The following UGT2B7 variants were observed in gnomAD, a reference collection of about 807,000 sequenced individuals.
The protein encoded by UGT2B7 is UDP-glucuronosyltransferase 2B7.
A neutral mutation model predicts 51.9 loss-of-function variants in UGT2B7; 51 were observed. The ratio of observed to expected loss-of-function variants is 0.98; its 90% CI spans 0.78 to 1.24. The LOEUF is 1.24. Ranked by LOEUF, UGT2B7 falls within the 50% of genes most tolerant of loss-of-function variation. UGT2B7 has a pLI of 0.00. For missense variants in UGT2B7, 727 were observed against 628.4 expected, an observed-to-expected ratio of 1.16 and a Z score of -1.68; for synonymous variants, 225 against 211.6, an observed-to-expected ratio of 1.06 and a Z score of -0.55.
intron 1 of UGT2B7, among the ~76,000 whole-genome samples, chr4:69,055,848 G>A (rs1718179395): frequency 6.6e-6 from 1 of 152,204 alleles, no homozygotes; most frequent in Admixed American, 6.5e-5. Flanking sequence ...CGCTCATCCT[G>A]TAAGGCAGCT....
intron 1 of UGT2B7, among the ~76,000 whole-genome samples, chr4:69,068,925 T>C (rs1011896725): frequency 6.6e-6 from 1 of 151,924 alleles, no homozygotes; most frequent in Non-Finnish European, 1.5e-5. Context: ...GATTCTAAAA[T>C]CACAATACAA....
At chr4:69,066,802 A>G (rs1461087966) in intron 1 of UGT2B7, among the ~76,000 whole-genome samples, 1 of 152,162 alleles carries the variant, frequency 6.6e-6, no homozygotes, top group East Asian at 1.9e-4. Context: ...CAATCATTAC[A>G]CCTACCCTTC....
chr4:69,057,188 C>T (rs1490322398), intron 1 of UGT2B7, among the ~76,000 whole-genome samples: 1 of 152,176 alleles, frequency 6.6e-6, no homozygotes, highest in Non-Finnish European at 1.5e-5. Context: ...GTGAAATCTT[C>T]AGTGTTGTGA....
upstream of UGT2B7, among the ~76,000 whole-genome samples, chr4:69,096,195 G>T (rs1231019539): frequency 6.6e-6 from 1 of 152,092 alleles, no homozygotes; most frequent in African/African-American, 2.4e-5. Context: ...GCAGAAACAA[G>T]ATCTGTCACT....
At chr4:69,073,698 A>G (rs916821165) in intron 1 of UGT2B7, among the ~76,000 whole-genome samples, 33 of 152,064 alleles carry the variant, frequency 2.2e-4, no homozygotes, top group African/African-American at 8.0e-4. Flanking sequence ...GACAAATCAT[A>G]TAATGAGTAG....
intron 1 of UGT2B7, among the ~76,000 whole-genome samples, chr4:69,065,962 T>C (rs1577909234): frequency 6.6e-6 from 1 of 152,292 alleles, no homozygotes; most frequent in South Asian, 2.1e-4. Context: ...TGAAACATCA[T>C]GATTGTATTT....
intron 1 of UGT2B7, among the ~76,000 whole-genome samples, chr4:69,097,479 C>A (rs1423616754): frequency 1.3e-5 from 2 of 152,106 alleles, no homozygotes; most frequent in African/African-American, 2.4e-5. Context: ...TAAACCTATA[C>A]ATTAGTGCAT....
chr4:69,106,730 C>G (rs939162012), intron 3 of UGT2B7, among the ~76,000 whole-genome samples: 10 of 152,026 alleles, frequency 6.6e-5, no homozygotes, highest in African/African-American at 2.2e-4. Flanking sequence ...TATAAGCAAG[C>G]CTTTTCTATA....
At chr4:69,109,287 A>G (rs1246055636) in intron 5 of UGT2B7, among the ~76,000 whole-genome samples, 2 of 152,084 alleles carry the variant, frequency 1.3e-5, no homozygotes, top group East Asian at 3.9e-4. Context: ...TCATGTGGGA[A>G]CTGTATGTTT....
intron 1 of UGT2B7, among the ~76,000 whole-genome samples, chr4:69,087,320 C>G (rs1359058201): frequency 6.6e-6 from 1 of 151,942 alleles, no homozygotes; most frequent in Non-Finnish European, 1.5e-5. Context: ...AAACAGAACT[C>G]TGTATTTTGA....
At position 69,096,977 on chromosome 4, in the gene UGT2B7, A is replaced by G. The variant is rs761849480; in HGVS notation, c.457A>G (p.Ile153Val). Residue 153 changes from isoleucine to valine, a missense_variant, in exon 1 of 6, where the codon ATT becomes GTT. Ile to Val is a conservative substitution (Grantham distance 29). Coordinates refer to ENST00000305231, the MANE Select transcript of UGT2B7 (RefSeq NM_001074.4). ...ATTTGACGTCATTTTTGCAGATGCT[A>G]TTTTTCCCTGTAGTGAGCTGCTGGC... is the stretch of plus-strand genomic sequence containing the variant. ...SRFDVIFADA[I>V]FPCSELLAEL... The G allele has an allele frequency of 1.9e-6, 3 of 1,613,576 alleles. No individual in the cohort carries two copies. The highest frequency in any genetic ancestry group is 1.1e-5 in the South Asian group (1 of 91,006).
At chr4:69,091,268 G>T (rs185360226) in intron 2 of UGT2B7, among the ~76,000 whole-genome samples, 1 of 152,182 alleles carries the variant, frequency 6.6e-6, no homozygotes, top group Admixed American at 6.5e-5. Flanking sequence ...AATTAGTCGG[G>T]GTCCACATAG....
chr4:69,090,042 G>T (rs948520930), intron 2 of UGT2B7, among the ~76,000 whole-genome samples: 6 of 152,112 alleles, frequency 3.9e-5, no homozygotes, highest in African/African-American at 1.4e-4. Flanking sequence ...ACTCCATTCA[G>T]TGTACTTGGG....
chr4:69,057,543 G>T (rs562564688), intron 1 of UGT2B7, among the ~76,000 whole-genome samples: 9 of 152,254 alleles, frequency 5.9e-5, no homozygotes, highest in Admixed American at 5.9e-4. Context: ...TTATCCATAA[G>T]AATTAAAATC....
At chr4:69,058,907 G>T (rs2109861353) in intron 1 of UGT2B7, among the ~76,000 whole-genome samples, 1 of 151,896 alleles carries the variant, frequency 6.6e-6, no homozygotes, top group Admixed American at 6.5e-5. Context: ...ACAGGGATTT[G>T]AGAGCAGGCC....
chr4:69,078,728 G>T (rs773895079), intron 1 of UGT2B7, among the ~76,000 whole-genome samples: 2 of 152,110 alleles, frequency 1.3e-5, no homozygotes, highest in Non-Finnish European at 2.9e-5. Flanking sequence ...GCTTCCTGAA[G>T]TTCAGATGAA....
At position 69,078,306 on chromosome 4, in the gene UGT2B7, G is replaced by A. The variant is rs138995331; in HGVS notation, c.-158-11166G>A. On this transcript the variant is annotated intron_variant, in intron 1 of 5. Coordinates refer to the UGT2B7 transcript ENST00000502942. Reference sequence around the variant, plus strand: ...AGGTTTTGGTATCAGGATGATGCTAGCCTCATAAAATGAGTTAGGGAGGAC... The same window carrying A: ...AGGTTTTGGTATCAGGATGATGCTAACCTCATAAAATGAGTTAGGGAGGAC... Among the ~76,000 whole-genome samples, 1,049 of 152,222 alleles carry A rather than the reference G, an allele frequency of 6.9e-3. 12 individuals carry two copies. Among genetic ancestry groups the A allele is most frequent in the African/African-American group, 0.024 (1,009 of 41,526 alleles).
At chr4:69,068,266 T>G (rs1295819323) in intron 1 of UGT2B7, among the ~76,000 whole-genome samples, 4 of 152,008 alleles carry the variant, frequency 2.6e-5, no homozygotes, top group African/African-American at 9.7e-5. Flanking sequence ...ACTGATAATT[T>G]GTAAACAGCT....
upstream of UGT2B7, chr4:69,096,397 A>G (rs1719222451): frequency 2.8e-6 from 4 of 1,444,774 alleles, no homozygotes; most frequent in Non-Finnish European, 3.8e-6. Flanking sequence ...ATTTAATGAT[A>G]TTGTATGTAC....
Sources: allele counts gnomAD v4.1 joint callset (sites outside exome capture counted in the v4.1 genomes callset), GRCh38; gene constraint gnomAD v4.1.1; transcripts MANE v1.5; gene names NCBI Gene and HGNC (gene_info 2026-07-23, HGNC 2026-07-21).